CERCAM: variants seen among roughly 807,000 people sequenced by gnomAD.
The protein encoded by CERCAM is cerebral endothelial cell adhesion molecule, also known as inactive glycosyltransferase 25 family member 3.
A neutral mutation model predicts 66.0 loss-of-function variants in CERCAM; 59 were observed. That is an observed-to-expected ratio of 0.89 (90% confidence interval 0.73 to 1.11). The LOEUF (loss-of-function observed/expected upper bound fraction) is 1.11. Among genes scored for constraint, CERCAM ranks in the 50% most tolerant of loss-of-function variants. The pLI is 0.00. For synonymous variants in CERCAM, 318 were observed against 343.6 expected, an observed-to-expected ratio of 0.93 and a Z score of 0.83; for missense variants, 840 against 828.3, an observed-to-expected ratio of 1.01 and a Z score of -0.17.
At chr9:128,433,606 C>G in intron 9 of CERCAM, among the ~76,000 whole-genome samples, 1 of 152,148 alleles carries the variant, frequency 6.6e-6, no homozygotes, top group East Asian at 1.9e-4. Context: ...GGCCATTTCA[C>G]TCCAGTCTGG....
In CERCAM at chr9:128,428,917, C is replaced by G. The variant is rs1564428557; in HGVS notation, c.964-13C>G. 5 of 1,607,460 alleles carry G rather than the reference C, an allele frequency of 3.1e-6. No homozygotes were observed. The highest frequency in any genetic ancestry group is 1.3e-5 in the African/African-American group (1 of 74,908). ...TCCCTTGCACTTACCGCCCACCCCC[C>G]TGCCTCCTCCAGGTCTTTGTCATCA... On this transcript the variant is annotated splice_polypyrimidine_tract_variant and intron_variant, in intron 7 of 12. Coordinates refer to ENST00000372838, the MANE Select transcript of CERCAM (RefSeq NM_016174.5).
In CERCAM at chr9:128,434,532, G is replaced by A. The variant is rs368341929; in HGVS notation, c.1454G>A (p.Arg485His). 5.6e-5 allele frequency: 91 copies of A among 1,612,472 alleles called. No homozygotes were observed. Among genetic ancestry groups the A allele is most frequent in the African/African-American group, 1.9e-4 (14 of 75,042 alleles). Residue 485 changes from arginine (R) to histidine (H), a missense_variant, in exon 11 of 13, where the codon CGC becomes CAC. Transcript: ENST00000372838. This position sits in a 1 kb window ranked among gnomAD's most constrained non-coding sequence, Gnocchi z 4.5. Reference sequence around the variant, plus strand: ...TATGCCCTGCGTCTGGCGGGTGCCCGCAAGCTGCTGGCCTCACAGCCTCTG... The same window carrying A: ...TATGCCCTGCGTCTGGCGGGTGCCCACAAGCTGCTGGCCTCACAGCCTCTG... ...LAYALRLAGA[R>H]KLLASQPLRR...
At chr9:128,435,512 C>T in intron 11 of CERCAM, 141 bp from the exon 12 acceptor site, 3 of 811,328 alleles carry the variant, frequency 3.7e-6, no homozygotes, top group Non-Finnish European at 5.7e-6. Flanking sequence ...AGTAGAAGTC[C>T]CACTGCTCAG....
intron 12 of CERCAM, 150 bp downstream of exon 12, chr9:128,436,055 G>GGTGT: frequency 9.8e-7 from 1 of 1,024,496 alleles, no homozygotes; most frequent in Non-Finnish European, 1.4e-6. Flanking sequence ...TGTTGTTGTT[G>GGTGT]TTGTTTGTTT....
intron 1 of CERCAM, 28 bp from the exon 2 acceptor site, chr9:128,422,840 C>A (rs565543018): frequency 6.2e-7 from 1 of 1,612,180 alleles, no homozygotes; most frequent in South Asian, 1.1e-5. Flanking sequence ...GGCTGTGCCC[C>A]CTCAGCCTTT....
intron 11 of CERCAM, among the ~76,000 whole-genome samples, 174 bp from the exon 12 acceptor site, chr9:128,435,477 GTT>G (rs1834086346): frequency 1.3e-5 from 2 of 152,208 alleles, no homozygotes; most frequent in African/African-American, 4.8e-5. Context: ...CTCAGCCTCT[GTT>G]TCCTCATCTG....
intron 5 of CERCAM, among the ~76,000 whole-genome samples, chr9:128,427,960 G>A (rs1401984795): frequency 6.6e-6 from 1 of 152,024 alleles, no homozygotes; most frequent in Admixed American, 6.6e-5. Context: ...CAGAGCAGTG[G>A]GGCTCACTGG....
At chr9:128,431,489 G>A (rs1833976010) in intron 9 of CERCAM, 186 bp downstream of exon 9, 1 of 673,252 alleles carries the variant, frequency 1.5e-6, no homozygotes, top group East Asian at 2.8e-5. Flanking sequence ...TCATTCTGCA[G>A]TCTCTCTTGA....
intron 8 of CERCAM, chr9:128,430,957 T>G: frequency 3.8e-6 from 2 of 520,116 alleles, no homozygotes; most frequent in Non-Finnish European, 6.8e-6. Context: ...TTCAGTGAGC[T>G]GAGATGGTGC....
intron 5 of CERCAM, chr9:128,427,753 G>A (rs1253865130): frequency 6.6e-6 from 1 of 151,384 alleles, no homozygotes; most frequent in Non-Finnish European, 1.5e-5. Flanking sequence ...TGACAGAGCA[G>A]GACTCCATCT....
chr9:128,428,417 A>G lies in CERCAM; in HGVS notation c.882A>G (p.Ala294=). 1.2e-6 allele frequency: 2 copies of G among 1,614,034 alleles called. No homozygotes were observed. The highest frequency in any genetic ancestry group is 1.7e-6 in the Non-Finnish European group (2 of 1,179,962). The change falls in exon 6 of 13, where the codon GCA becomes GCG. Residue 294 remains alanine (A), a synonymous_variant. Coordinates refer to ENST00000372838, the MANE Select transcript of CERCAM (RefSeq NM_016174.5). ...ACTTCATCCACCTGATCTTAGAAGC[A>G]CTAGGTGAGGGCTGGGGAACTGTTC... is the stretch of plus-strand genomic sequence containing the variant. ...RVNFIHLILE[A]LVDGPRMQAS...
chr9:128,435,183 A>C (rs1459294088), intron 11 of CERCAM, among the ~76,000 whole-genome samples: 10 of 152,014 alleles, frequency 6.6e-5, no homozygotes. Context: ...TTTAGTAGAG[A>C]CAGGGTTTCT....
In CERCAM at chr9:128,428,349, G is replaced by A; in HGVS notation, c.814G>A (p.Val272Met). The A allele has an allele frequency of 2.5e-6, 4 of 1,614,146 alleles. No homozygotes were observed. The highest frequency in any genetic ancestry group is 3.4e-6 in the Non-Finnish European group (4 of 1,180,014). ...TGAGCACCGTTATGGGTACATGAAT[G>A]TGCCGGTGAAATCCCACCAGGGGCT... ...CNEHRYGYMN[V>M]PVKSHQGLED... Residue 272 changes from valine to methionine, a missense_variant, in exon 6 of 13, where the codon GTG becomes ATG. Val to Met is a conservative substitution (Grantham distance 21). Transcript: ENST00000372838.
At position 128,424,211 on chromosome 9, in the gene CERCAM, T is replaced by G; in HGVS notation, c.500T>G (p.Val167Gly). The G allele has an allele frequency of 6.2e-7, 1 of 1,614,066 alleles. No homozygotes were observed. Among genetic ancestry groups the G allele is most frequent in the Non-Finnish European group, 8.5e-7 (1 of 1,179,982 alleles). ...RLLMGQGLPV[V>G]APMLDSQTYY... is the part of the protein sequence containing the mutation. ...CTCATGGGGCAGGGGCTTCCAGTGG[T>G]GGCCCCAATGCTGGACTCCCAGACC... is the stretch of plus-strand genomic sequence containing the variant. The change falls in exon 4 of 13, where the codon GTG (valine) becomes GGG (glycine). Residue 167 changes from valine (V) to glycine (G), a missense_variant. Transcript: ENST00000372838.
rs1333740760 is a variant in CERCAM, at chr9:128,437,111, A to G, written c.*263A>G. On this transcript the variant is annotated 3_prime_UTR_variant, in exon 13 of 13. Transcript: ENST00000372838. Reference sequence around the variant, plus strand: ...CCTGATTCAGGGCCTTGTGGCCCCCAGCTTCTGTTTCAAGCTGGGCAGACC... The same window carrying G: ...CCTGATTCAGGGCCTTGTGGCCCCCGGCTTCTGTTTCAAGCTGGGCAGACC... 1.3e-5 allele frequency: 2 copies of G among 152,398 alleles called. No individual in the cohort carries two copies. The highest frequency in any genetic ancestry group is 2.9e-5 in the Non-Finnish European group (2 of 68,074). 9.4% of individuals were successfully genotyped at this position (152,398 alleles called of 1,614,324 possible).
At chr9:128,421,340 C>G in intron 1 of CERCAM, 1 of 1,199,724 alleles carries the variant, frequency 8.3e-7, no homozygotes, top group Non-Finnish European at 1.0e-6. Context: ...GGGGCCTTCC[C>G]TGGGTGTAGG....
At position 128,434,190 on chromosome 9, in the gene CERCAM, T is replaced by C. The variant is rs1325054182; in HGVS notation, c.1292T>C (p.Met431Thr). ...TTCAGGGGGCGGCTGGAGCGGCTGA[T>C]GGAGGATGTGGAGGCAGAGAAACTG... is the stretch of plus-strand genomic sequence containing the variant. Reference protein sequence around the residue: ...SNFRGRLERLMEDVEAEKLSW... With the variant: ...SNFRGRLERLTEDVEAEKLSW... The change falls in exon 10 of 13, where the codon ATG becomes ACG. Residue 431 changes from methionine (M) to threonine (T), a missense_variant. Coordinates refer to ENST00000372838, the MANE Select transcript of CERCAM (RefSeq NM_016174.5). This position sits in a 1 kb window ranked among gnomAD's most constrained non-coding sequence, Gnocchi z 4.5. The C allele has an allele frequency of 5.0e-6, 8 of 1,614,048 alleles. No individual in the cohort carries two copies. Among genetic ancestry groups the C allele is most frequent in the Non-Finnish European group, 5.9e-6 (7 of 1,180,008 alleles).
In CERCAM at chr9:128,422,975, C is replaced by A; in HGVS notation, c.305C>A (p.Pro102His). The A allele has an allele frequency of 3.7e-6, 6 of 1,613,622 alleles. No homozygotes were observed. The highest frequency in any genetic ancestry group is 5.1e-6 in the Non-Finnish European group (6 of 1,179,976). Residue 102 changes from proline (P) to histidine (H), a missense_variant, in exon 2 of 13, where the codon CCC becomes CAC. Transcript: ENST00000372838. ...GTGGTCTGGAGGCCTGAGGGCGAGC[C>A]CAGGTGGTGATCTGAGGGGAAGGGT... The part of the protein sequence containing the change: ...AAVVWRPEGE[P>H]RFYPDEEGPK...
intron 5 of CERCAM, among the ~76,000 whole-genome samples, chr9:128,425,277 G>A (rs765058437): frequency 4.0e-5 from 6 of 149,892 alleles, no homozygotes; most frequent in African/African-American, 9.8e-5. Flanking sequence ...GGATGGTCTC[G>A]ATCTCCTGAC....
Sources: gnomAD v4.1 joint callset for allele counts (sites outside exome capture counted in the v4.1 genomes callset) on GRCh38, gnomAD v4.1.1 for gene constraint, Gnocchi (gnomAD v3.1) non-coding constraint, MANE v1.5 for transcripts, NCBI Gene and HGNC (gene_info 2026-07-23, HGNC 2026-07-21) for gene names.